EPB41L2: variants seen among roughly 807,000 people sequenced by gnomAD.
EPB41L2 encodes band 4.1-like protein 2.
EPB41L2 carries 43 observed loss-of-function variants against 113.0 expected under a neutral mutation model. The observed-to-expected ratio is 0.38, with a 90% CI of 0.30 to 0.49. EPB41L2 has a LOEUF of 0.49. Ranked by LOEUF, EPB41L2 falls within the 20% of genes least tolerant of loss-of-function variation. EPB41L2 has a pLI of 0.95. For missense variants in EPB41L2, 1,147 were observed against 1,223.4 expected (o/e 0.94, Z 0.93); for synonymous variants, 442 against 436.7 (o/e 1.01, Z -0.15).
chr6:131,029,571 G>C (rs1358320908), intron 1 of EPB41L2, among the ~76,000 whole-genome samples: 2 of 152,052 alleles, frequency 1.3e-5, no homozygotes, highest in Non-Finnish European at 2.9e-5. Flanking sequence ...AACTATCACA[G>C]CTCTATTTTT....
chr6:130,946,332 A>G (rs1300199140), intron 3 of EPB41L2, among the ~76,000 whole-genome samples: 2 of 152,178 alleles, frequency 1.3e-5, no homozygotes, highest in Non-Finnish European at 2.9e-5. Flanking sequence ...CTTAACTATA[A>G]TCATCATTTA....
intron 1 of EPB41L2, among the ~76,000 whole-genome samples, chr6:130,960,402 C>CATGT (rs1219465799): frequency 6.6e-6 from 1 of 152,100 alleles, no homozygotes; most frequent in African/African-American, 2.4e-5. Flanking sequence ...ATTGCTTGAC[C>CATGT]ATGTAATCAT....
At chr6:130,870,267 G>A (rs1785219990) in intron 14 of EPB41L2, 141 bp from the exon 15 acceptor site, 3 of 1,541,708 alleles carry the variant, frequency 1.9e-6, no homozygotes, top group East Asian at 2.4e-5. Context: ...GGGAAGCGGG[G>A]CAAACGTGAG....
At position 130,843,969 on chromosome 6, in the gene EPB41L2, T is replaced by C. The variant is rs1296380522; in HGVS notation, c.*6-3371A>G. On this transcript the variant is annotated intron_variant, in intron 19 of 19. Transcript: ENST00000337057. The stretch of plus-strand genomic sequence containing the variant: ...CTATGATCTTGCCCGAAAAGCACAA[T>C]CTTTGAGTTTCTAGAGACAAAGGGC... Among the ~76,000 whole-genome samples, 3 of 152,184 alleles carry C rather than the reference T, an allele frequency of 2.0e-5. No homozygotes were observed. In the East Asian group the frequency reaches 5.8e-4, roughly 29 times the overall value.
intron 14 of EPB41L2, among the ~76,000 whole-genome samples, chr6:130,873,547 C>A (rs1786471982): frequency 2.0e-5 from 3 of 150,430 alleles, no homozygotes; most frequent in African/African-American, 7.4e-5. Flanking sequence ...CTCACTGCAA[C>A]CTCTACCTCC....
chr6:131,004,846 C>T (rs1562712249), intron 1 of EPB41L2, among the ~76,000 whole-genome samples: 1 of 152,176 alleles, frequency 6.6e-6, no homozygotes, highest in Non-Finnish European at 1.5e-5. Context: ...CCGAATGTAG[C>T]CCTCCTGCTT....
intron 3 of EPB41L2, among the ~76,000 whole-genome samples, chr6:130,952,681 A>G (rs1001844626): frequency 1.3e-5 from 2 of 152,026 alleles, no homozygotes; most frequent in Admixed American, 1.3e-4. Context: ...GTGGTGGCTC[A>G]TGCCTGTAAT....
At chr6:130,926,005 A>G (rs1391072331) in intron 4 of EPB41L2, among the ~76,000 whole-genome samples, 1 of 152,230 alleles carries the variant, frequency 6.6e-6, no homozygotes, top group Non-Finnish European at 1.5e-5. Flanking sequence ...CAACGATAGC[A>G]ATGTAGGCAA....
intron 4 of EPB41L2, among the ~76,000 whole-genome samples, chr6:130,915,801 G>T (rs770810712): frequency 4.0e-5 from 6 of 151,622 alleles, no homozygotes; most frequent in Non-Finnish European, 7.4e-5. Context: ...AAAAACGGGA[G>T]TTTCTCTGCA....
intron 4 of EPB41L2, among the ~76,000 whole-genome samples, chr6:130,914,772 C>A (rs1196844954): frequency 7.2e-5 from 11 of 152,088 alleles, no homozygotes; most frequent in Admixed American, 5.9e-4. Context: ...AAAAATAAAA[C>A]AAGGATTTTG....
intron 1 of EPB41L2, among the ~76,000 whole-genome samples, chr6:131,048,151 A>AAG (rs1562797465): frequency 7.4e-6 from 1 of 134,440 alleles, no homozygotes; most frequent in Non-Finnish European, 1.6e-5. Context: ...AAAAAAAAAA[A>AAG]AAAAAAGAAA....
chr6:130,858,331 G>T (rs562070909), intron 18 of EPB41L2, 88 bp from the exon 19 acceptor site: 12 of 1,010,448 alleles, frequency 1.2e-5, no homozygotes, highest in African/African-American at 8.0e-5. Context: ...GATCACCTCG[G>T]ACCCAACCTC....
intron 1 of EPB41L2, among the ~76,000 whole-genome samples, chr6:131,016,560 T>TG (rs1165262722): frequency 6.8e-6 from 1 of 147,416 alleles, no homozygotes; most frequent in Non-Finnish European, 1.5e-5. Context: ...CCAAAATGAA[T>TG]GGGAAAAACT....
chr6:130,889,210 A>G (rs1792003758), intron 11 of EPB41L2, among the ~76,000 whole-genome samples: 1 of 151,820 alleles, frequency 6.6e-6, no homozygotes, highest in Non-Finnish European at 1.5e-5. Context: ...AAAATGTTGG[A>G]AAACTATTTC....
chr6:130,959,481 T>C (rs1818621231), intron 1 of EPB41L2, among the ~76,000 whole-genome samples: 1 of 152,140 alleles, frequency 6.6e-6, no homozygotes, highest in South Asian at 2.1e-4. Flanking sequence ...AGAAGAAATA[T>C]GTAGTGAGGC....
At chr6:130,939,932 A>C (rs574621452) in intron 3 of EPB41L2, among the ~76,000 whole-genome samples, 1 of 152,356 alleles carries the variant, frequency 6.6e-6, no homozygotes, top group South Asian at 2.1e-4. Context: ...ATGCACACTT[A>C]GCTCTGTTCC....
At chr6:130,995,382 T>C (rs1782861328) in intron 1 of EPB41L2, among the ~76,000 whole-genome samples, 1 of 152,136 alleles carries the variant, frequency 6.6e-6, no homozygotes, top group Non-Finnish European at 1.5e-5. Flanking sequence ...CTCATGCCTG[T>C]AATCCCAGCA....
chr6:131,002,670 G>C (rs1784612209), intron 1 of EPB41L2, among the ~76,000 whole-genome samples: 1 of 152,212 alleles, frequency 6.6e-6, no homozygotes, highest in East Asian at 1.9e-4. Flanking sequence ...TATGGTGGAA[G>C]AGAAATACTT....
chr6:130,903,208 G>A (rs892635307), intron 6 of EPB41L2, among the ~76,000 whole-genome samples: 1 of 152,058 alleles, frequency 6.6e-6, no homozygotes, highest in African/African-American at 2.4e-5. Flanking sequence ...GGGTCACAAA[G>A]CCCCAGTTAC....
Sources: allele counts gnomAD v4.1 joint callset (sites outside exome capture counted in the v4.1 genomes callset), GRCh38; gene constraint gnomAD v4.1.1; transcripts MANE v1.5; gene names NCBI Gene and HGNC (gene_info 2026-07-23, HGNC 2026-07-21).